The following TBC1D8 variants were observed in gnomAD, a reference collection of about 807,000 sequenced individuals.
TBC1D8 encodes the protein BUB2-like protein 1.
A neutral mutation model predicts 118.8 loss-of-function variants in TBC1D8; 65 were observed. The ratio of observed to expected loss-of-function variants is 0.55; its 90% CI spans 0.45 to 0.67. The LOEUF is 0.67. Among genes scored for constraint, TBC1D8 ranks in the 30% least tolerant of loss-of-function variants. The pLI is 0.00. For missense variants in TBC1D8, 1,376 were observed against 1,471.2 expected (o/e 0.94, Z 1.06); for synonymous variants, 566 against 595.8 (o/e 0.95, Z 0.73).
intron 2 of TBC1D8, chr2:101,068,420 A>G (rs1683132793): frequency 6.7e-6 from 2 of 298,346 alleles, no homozygotes; most frequent in Admixed American, 1.0e-4. Flanking sequence ...TTCAGGAAAA[A>G]ACTTAACTGT....
intron 9 of TBC1D8, 148 bp downstream of exon 9, chr2:101,035,870 G>A (rs1680972601): frequency 4.1e-6 from 4 of 969,490 alleles, no homozygotes; most frequent in Non-Finnish European, 6.0e-6. Flanking sequence ...ACAACAGGGA[G>A]TGGAAGTCCT....
At chr2:101,036,554 A>G (rs1003406422) in intron 8 of TBC1D8, among the ~76,000 whole-genome samples, 1 of 152,306 alleles carries the variant, frequency 6.6e-6, no homozygotes, top group Non-Finnish European at 1.5e-5. Flanking sequence ...GCATCTGCCA[A>G]AAAGACACTG....
At chr2:101,017,986 C>T (rs1379769331) in intron 17 of TBC1D8, 13 of 1,492,896 alleles carry the variant, frequency 8.7e-6, no homozygotes, top group African/African-American at 1.4e-5. Flanking sequence ...TCGAACGGTT[C>T]CAATGCTCGC....
At chr2:101,119,909 T>G (rs1194686837) in intron 1 of TBC1D8, among the ~76,000 whole-genome samples, 1 of 152,184 alleles carries the variant, frequency 6.6e-6, no homozygotes, top group East Asian at 1.9e-4. Flanking sequence ...CTTAGCTCTC[T>G]TATCTGCAAC....
chr2:101,016,676 A>G (rs1194860697), intron 17 of TBC1D8, among the ~76,000 whole-genome samples: 5 of 152,232 alleles, frequency 3.3e-5, no homozygotes, highest in African/African-American at 9.6e-5. Flanking sequence ...AACCAACCCA[A>G]ATGTCCAACA....
chr2:101,126,585 T>C (rs1678367247), intron 1 of TBC1D8, among the ~76,000 whole-genome samples: 1 of 152,194 alleles, frequency 6.6e-6, no homozygotes. Flanking sequence ...CCAGGTGGCC[T>C]AGATAAATCT....
rs75518344 is a variant in TBC1D8, at chr2:101,087,351, T to C, written c.283+2858A>G. On this transcript the variant is annotated intron_variant, in intron 2 of 19. Transcript: ENST00000409318. ...CAAATAAGAGATAAAATACTCTGGA[T>C]TGGGGCCGGATGCAGTGGCTCACAC... 6.6e-3 allele frequency among the ~76,000 whole-genome samples: 994 copies of C among 151,740 alleles called. 12 individuals carry two copies. The highest frequency in any genetic ancestry group is 0.023 in the African/African-American group (940 of 41,396).
chr2:101,077,379 C>A (rs1307297328), intron 2 of TBC1D8, among the ~76,000 whole-genome samples: 355 of 124,990 alleles, frequency 2.8e-3, no homozygotes, highest in Middle Eastern at 0.02. Flanking sequence ...TCCCGGGTAG[C>A]TGGGACTACA....
At chr2:101,107,636 T>A (rs1271829959) in intron 1 of TBC1D8, among the ~76,000 whole-genome samples, 1 of 152,134 alleles carries the variant, frequency 6.6e-6, no homozygotes, top group African/African-American at 2.4e-5. Flanking sequence ...TGAGCACACA[T>A]AGAGCGCAGA....
chr2:101,092,360 T>A (rs1676093435), intron 1 of TBC1D8, among the ~76,000 whole-genome samples: 1 of 152,226 alleles, frequency 6.6e-6, no homozygotes, highest in Non-Finnish European at 1.5e-5. Flanking sequence ...CCTCTACTTG[T>A]CCCATTCTTG....
chr2:101,126,952 T>C (rs1276651874), intron 1 of TBC1D8, among the ~76,000 whole-genome samples: 1 of 152,214 alleles, frequency 6.6e-6, no homozygotes, highest in East Asian at 1.9e-4. Context: ...CCTTCGCAGA[T>C]GTGGATGGCC....
rs1025902124 is a variant in TBC1D8 at position 101,033,857 on chromosome 2, G to A, written c.1604-99C>T. 2.2e-5 allele frequency: 30 copies of A among 1,333,760 alleles called. No homozygotes were observed. In the African/African-American group the frequency reaches 2.6e-4, roughly 12 times the overall value. 82.6% of individuals were successfully genotyped at this position (1,333,760 alleles called of 1,614,324 possible). Reference sequence around the variant, plus strand: ...CATCAGGGGACCCCAGTGGGGTCTCGTTACTTACTGAGGGACAAAATATTG... The same window carrying A: ...CATCAGGGGACCCCAGTGGGGTCTCATTACTTACTGAGGGACAAAATATTG... On this transcript the variant is annotated intron_variant, in intron 9 of 19. Coordinates refer to ENST00000409318, the MANE Select transcript of TBC1D8 (RefSeq NM_001330348.2).
chr2:101,047,554 A>G (rs1263233514), intron 5 of TBC1D8, among the ~76,000 whole-genome samples: 1 of 152,214 alleles, frequency 6.6e-6, no homozygotes, highest in Non-Finnish European at 1.5e-5. Flanking sequence ...CCACGTCTCC[A>G]TGACAAATGC....
rs562457814 is a variant in TBC1D8 at position 101,031,575 on chromosome 2, A to G, written c.1936+693T>C. On this transcript the variant is annotated intron_variant, in intron 11 of 19. Transcript: ENST00000409318. ...TTAAGAGCATCACCAGCCCAGAACC[A>G]TTTTTGTATTGTTTACTAGGAGGTT... Among the ~76,000 whole-genome samples, 21 of 152,270 alleles carry G rather than the reference A, an allele frequency of 1.4e-4. No individual in the cohort carries two copies. The South Asian group carries it at 4.4e-3, about 32-fold the overall frequency.
intron 5 of TBC1D8, among the ~76,000 whole-genome samples, chr2:101,045,992 CTAATTAAT>C (rs541757673): frequency 6.6e-6 from 1 of 152,014 alleles, no homozygotes; most frequent in Non-Finnish European, 1.5e-5. Flanking sequence ...CATTCTGCCT[CTAATTAAT>C]TAATTAATTA....
intron 7 of TBC1D8, 101 bp downstream of exon 7, chr2:101,038,360 T>A: frequency 7.5e-7 from 1 of 1,324,748 alleles, no homozygotes. Context: ...AGGCCCCGCA[T>A]TCTTCTCATC....
At chr2:101,066,758 A>T (rs1412815272) in intron 2 of TBC1D8, among the ~76,000 whole-genome samples, 1 of 152,082 alleles carries the variant, frequency 6.6e-6, no homozygotes, top group East Asian at 1.9e-4. Flanking sequence ...CAGCCTGGCC[A>T]ACGTGGCGAA....
intron 1 of TBC1D8, among the ~76,000 whole-genome samples, chr2:101,140,379 G>A (rs1177342731): frequency 6.6e-6 from 1 of 152,052 alleles, no homozygotes; most frequent in African/African-American, 2.4e-5. Flanking sequence ...CACACCCCAC[G>A]CATGCTAGAC....
Position 101,151,293 on chromosome 2 carries a change from C to A in TBC1D8, c.-40G>T. The A allele has an allele frequency of 1.8e-6, 2 of 1,113,706 alleles. No homozygotes were observed. The highest frequency in any genetic ancestry group is 2.2e-6 in the Non-Finnish European group (2 of 899,542). The allele number at this position is 1,113,706 out of a possible 1,614,324, so 69.0% of individuals were successfully genotyped here. On this transcript the variant is annotated 5_prime_UTR_variant, in exon 1 of 20. Coordinates refer to ENST00000409318, the MANE Select transcript of TBC1D8 (RefSeq NM_001330348.2). ...CGCGCCCGCCGGCCCCAGCTCACAT[C>A]TCCCCGGCCGCCGGTCGCTGTGAGC... is the stretch of plus-strand genomic sequence containing the variant.
Sources: allele counts gnomAD v4.1 joint callset (sites outside exome capture counted in the v4.1 genomes callset), GRCh38; gene constraint gnomAD v4.1.1; transcripts MANE v1.5; gene names NCBI Gene and HGNC (gene_info 2026-07-23, HGNC 2026-07-21).